The following HECW1 variants were observed in gnomAD, a reference collection of about 807,000 sequenced individuals.
HECW1 encodes HECT, C2 and WW domain containing E3 ubiquitin protein ligase 1.
Under a neutral mutation model 182.3 loss-of-function variants are expected in HECW1, and 61 were observed. The observed-to-expected ratio is 0.33, with a 90% CI of 0.27 to 0.41. The LOEUF (loss-of-function observed/expected upper bound fraction) is 0.41, where lower values mean the gene tolerates loss of function less well. Ranked by LOEUF, HECW1 falls within the 10% of genes least tolerant of loss-of-function variation. The pLI, the probability that HECW1 is intolerant of heterozygous loss-of-function variation, is 1.00. For missense variants in HECW1, 1,739 were observed against 2,108.9 expected (o/e 0.82, Z 3.44); for synonymous variants, 859 against 832.6 (o/e 1.03, Z -0.55).
chr7:43,546,219 CTTTTTTTTTTTT>C (rs34255651), intron 26 of HECW1, among the ~76,000 whole-genome samples: 45 of 91,896 alleles, frequency 4.9e-4, no homozygotes, highest in Admixed American at 1.9e-3. Context: ...TACCCCCAAC[CTTTTTTTTTTTT>C]TTTTTTTTTT....
chr7:43,389,258 C>T (rs1451140827), intron 6 of HECW1, among the ~76,000 whole-genome samples: 1 of 152,210 alleles, frequency 6.6e-6, no homozygotes, highest in Non-Finnish European at 1.5e-5. Context: ...CCGCCAGCGT[C>T]AGCGTCACCT....
intron 3 of HECW1, among the ~76,000 whole-genome samples, chr7:43,288,169 C>T (rs1055332345): frequency 2.0e-5 from 3 of 152,108 alleles, no homozygotes; most frequent in African/African-American, 7.2e-5. Context: ...CAATTAAACA[C>T]ACAGCCCAAA....
chr7:43,559,760 G>C (rs2082149831), intron 29 of HECW1, among the ~76,000 whole-genome samples: 1 of 152,160 alleles, frequency 6.6e-6, no homozygotes, highest in Non-Finnish European at 1.5e-5. Flanking sequence ...ACTCGGTGCT[G>C]TCAGAACCAC....
intron 2 of HECW1, among the ~76,000 whole-genome samples, chr7:43,176,651 A>G (rs960982460): frequency 6.6e-6 from 1 of 152,200 alleles, no homozygotes; most frequent in African/African-American, 2.4e-5. Context: ...CCATTAATCC[A>G]TTAATCTACT....
At chr7:43,115,701 T>C (rs1784988236) in intron 2 of HECW1, among the ~76,000 whole-genome samples, 1 of 152,246 alleles carries the variant, frequency 6.6e-6, no homozygotes, top group African/African-American at 2.4e-5. Flanking sequence ...TGTTGATTCA[T>C]GCTTAGCCAC....
At chr7:43,424,173 G>A (rs151195528) in intron 8 of HECW1, among the ~76,000 whole-genome samples, 45 of 152,252 alleles carry the variant, frequency 3.0e-4, no homozygotes, top group South Asian at 6.2e-4. Context: ...CTCTTAGCAG[G>A]TCCCCATCTT....
chr7:43,530,287 C>A, intron 24 of HECW1, among the ~76,000 whole-genome samples: 1 of 151,880 alleles, frequency 6.6e-6, no homozygotes, highest in East Asian at 1.9e-4. Context: ...CACTTTACTG[C>A]AGTAGATACA....
Position 43,137,239 on chromosome 7 carries a change from G to A in HECW1, c.-32+22848G>A, listed in dbSNP as rs113861063. On this transcript the variant is annotated intron_variant, in intron 2 of 29. Transcript: ENST00000395891. Reference sequence around the variant, plus strand: ...TCTCCTCTCCCCTCCCTCCCAGCAGGCATGTCAATCCCAGGGTGATGCTTT... The same window carrying A: ...TCTCCTCTCCCCTCCCTCCCAGCAGACATGTCAATCCCAGGGTGATGCTTT... Among the ~76,000 whole-genome samples, 750 of 152,190 alleles carry A rather than the reference G, an allele frequency of 4.9e-3. 3 individuals carry two copies. Among genetic ancestry groups the A allele is most frequent in the African/African-American group, 0.017 (706 of 41,512 alleles).
intron 22 of HECW1, 142 bp downstream of exon 22, chr7:43,507,399 T>C: frequency 1.3e-6 from 1 of 754,866 alleles, no homozygotes; most frequent in Non-Finnish European, 2.0e-6. Flanking sequence ...AAGAAGGAAG[T>C]TGGGAAGCTG....
At chr7:43,547,975 G>T (rs891770968) in intron 26 of HECW1, among the ~76,000 whole-genome samples, 2 of 152,082 alleles carry the variant, frequency 1.3e-5, no homozygotes, top group Non-Finnish European at 2.9e-5. Flanking sequence ...TGCGTTCATC[G>T]CAAAAAACAG....
chr7:43,255,565 C>G (rs1399124879), intron 3 of HECW1, among the ~76,000 whole-genome samples: 1 of 150,700 alleles, frequency 6.6e-6, no homozygotes, highest in Non-Finnish European at 1.5e-5. Context: ...CCACTGCACT[C>G]CAGCCTGGGT....
chr7:43,165,661 G>T (rs1486581561), intron 2 of HECW1, among the ~76,000 whole-genome samples: 1 of 152,112 alleles, frequency 6.6e-6, no homozygotes, highest in East Asian at 1.9e-4. Context: ...CATAGGCGTT[G>T]TGAGCCCACT....
chr7:43,518,325 T>C (rs2080265409), intron 24 of HECW1, among the ~76,000 whole-genome samples: 1 of 151,930 alleles, frequency 6.6e-6, no homozygotes. Flanking sequence ...TGAAACCCCA[T>C]CTCTACTAAA....
chr7:43,199,180 G>A (rs1020288051), intron 2 of HECW1, among the ~76,000 whole-genome samples: 6 of 152,152 alleles, frequency 3.9e-5, no homozygotes, highest in African/African-American at 1.4e-4. Flanking sequence ...CTGCACGCCT[G>A]GTCTCTTATG....
chr7:43,558,091 G>A (rs2082090555), intron 29 of HECW1, among the ~76,000 whole-genome samples: 1 of 152,164 alleles, frequency 6.6e-6, no homozygotes, highest in Admixed American at 6.5e-5. Flanking sequence ...CTGGAGATGG[G>A]ACACTAGGAC....
intron 3 of HECW1, among the ~76,000 whole-genome samples, chr7:43,280,002 G>T (rs757738874): frequency 6.6e-6 from 1 of 152,218 alleles, no homozygotes; most frequent in African/African-American, 2.4e-5. Flanking sequence ...GGTCTTCACA[G>T]CTCACTGGGG....
intron 5 of HECW1, among the ~76,000 whole-genome samples, chr7:43,329,150 G>T: frequency 6.6e-6 from 1 of 152,154 alleles, no homozygotes; most frequent in South Asian, 2.1e-4. Flanking sequence ...CGGCCAGTTG[G>T]GAAGGAAGGT....
chr7:43,320,694 C>T lies in HECW1; in HGVS notation c.412C>T (p.Arg138Trp), dbSNP rs755726737. ...YKNRGVNGSH[R>W]GQIIWKIDAS... is the part of the protein sequence containing the mutation. Reference sequence around the variant, plus strand: ...AAACCGTGGAGTCAATGGTTCTCATCGGGGCCAGATCATCTGGAAGATCGA... The same window carrying T: ...AAACCGTGGAGTCAATGGTTCTCATTGGGGCCAGATCATCTGGAAGATCGA... Residue 138 changes from arginine to tryptophan, a missense_variant, in exon 5 of 30, where the codon CGG becomes TGG. By Grantham distance (101) the Arg-to-Trp change is moderately radical. Around this residue, in one of 5 missense-constraint regions of HECW1, gnomAD observed 279 missense variants for 353.1 expected, o/e 0.79. Coordinates refer to ENST00000395891, the MANE Select transcript of HECW1 (RefSeq NM_015052.5). The T allele has an allele frequency of 1.9e-5, 30 of 1,614,020 alleles. No homozygotes were observed. Among genetic ancestry groups the T allele is most frequent in the Non-Finnish European group, 2.5e-5 (29 of 1,179,998 alleles).
At chr7:43,396,616 C>T in intron 6 of HECW1, 198 bp from the exon 7 acceptor site, 1 of 491,144 alleles carries the variant, frequency 2.0e-6, no homozygotes. Flanking sequence ...ACCCATCACC[C>T]CCACTAGCAG....
Sources: allele counts gnomAD v4.1 joint callset (sites outside exome capture counted in the v4.1 genomes callset), GRCh38; gene constraint gnomAD v4.1.1; regional missense constraint gnomAD v4.1.1; transcripts MANE v1.5; gene names NCBI Gene and HGNC (gene_info 2026-07-23, HGNC 2026-07-21).